DOCK3: variants seen among roughly 807,000 people sequenced by gnomAD.
The protein encoded by DOCK3 is dedicator of cytokinesis protein 3.
DOCK3 carries 60 observed loss-of-function variants against 265.6 expected under a neutral mutation model. The ratio of observed to expected loss-of-function variants is 0.23; its 90% CI spans 0.18 to 0.28. The LOEUF (loss-of-function observed/expected upper bound fraction) is 0.28, where lower values mean the gene tolerates loss of function less well. Ranked by LOEUF, DOCK3 falls within the 10% of genes least tolerant of loss-of-function variation. The pLI is 1.00. For missense variants in DOCK3, 1,981 were observed against 2,594.3 expected, an observed-to-expected ratio of 0.76 and a Z score of 5.14; for synonymous variants, 881 against 938.0, an observed-to-expected ratio of 0.94 and a Z score of 1.11.
intron 12 of DOCK3, among the ~76,000 whole-genome samples, chr3:51,168,343 A>G (rs571012478): frequency 1.3e-5 from 2 of 152,240 alleles, no homozygotes; most frequent in African/African-American, 2.4e-5. Flanking sequence ...TTCAAGCTAT[A>G]CTACAGGACT....
intron 5 of DOCK3, among the ~76,000 whole-genome samples, chr3:51,044,611 T>C (rs1012711389): frequency 3.9e-5 from 6 of 152,070 alleles, no homozygotes; most frequent in Non-Finnish European, 1.5e-5. Context: ...GGCATCTTCT[T>C]ATCTTTTTTT....
chr3:50,870,749 T>A (rs565667652), intron 3 of DOCK3, among the ~76,000 whole-genome samples: 17 of 149,530 alleles, frequency 1.1e-4, no homozygotes, highest in African/African-American at 3.9e-4. Context: ...TATGATTTAA[T>A]TTTTTGCTTT....
At chr3:50,946,777 C>T (rs1032322011) in intron 5 of DOCK3, among the ~76,000 whole-genome samples, 1 of 152,120 alleles carries the variant, frequency 6.6e-6, no homozygotes, top group African/African-American at 2.4e-5. Context: ...GCTCATTAGC[C>T]CATCGTCCTT....
In DOCK3 at chr3:50,686,880, G is replaced by T. The variant is rs2034852965; in HGVS notation, c.37+11580G>T. Among the ~76,000 whole-genome samples the T allele has an allele frequency of 1.5e-5, 2 of 133,182 alleles. 1 individual carries two copies. Among genetic ancestry groups the T allele is most frequent in the South Asian group, 4.8e-4 (2 of 4,158 alleles). The allele number at this position is 133,182 out of a possible 152,430, so 87.4% of individuals were successfully genotyped here. On this transcript the variant is annotated intron_variant, in intron 1 of 52. Coordinates refer to ENST00000266037, the MANE Select transcript of DOCK3 (RefSeq NM_004947.5). ...GCCAAAATCACACCACTACACTCTA[G>T]CCTGGGCAACAGAGCAAGACTCCAT...
intron 5 of DOCK3, among the ~76,000 whole-genome samples, chr3:50,989,592 C>A (rs1256028523): frequency 1.3e-5 from 2 of 152,148 alleles, no homozygotes; most frequent in Non-Finnish European, 2.9e-5. Flanking sequence ...AAGTCAGCTT[C>A]AAATAAAACC....
At chr3:50,907,590 G>C (rs1261116716) in intron 4 of DOCK3, among the ~76,000 whole-genome samples, 1 of 151,496 alleles carries the variant, frequency 6.6e-6, no homozygotes, top group Non-Finnish European at 1.5e-5. Context: ...GCCTTTTTTT[G>C]TTTTCCATTT....
At chr3:50,964,674 CA>C (rs1425466661) in intron 5 of DOCK3, among the ~76,000 whole-genome samples, 1 of 151,758 alleles carries the variant, frequency 6.6e-6, no homozygotes, top group East Asian at 1.9e-4. Context: ...TTTGAGTCTC[CA>C]AAAAGGGACA....
In DOCK3 at chr3:50,729,013, C is replaced by T. The variant is rs9682913; in HGVS notation, c.38-49662C>T. Among the ~76,000 whole-genome samples the T allele has an allele frequency of 6.2e-4, 85 of 137,596 alleles. 1 individual carries two copies. The highest frequency in any genetic ancestry group is 1.3e-3 in the Admixed American group (19 of 14,198). The allele number at this position is 137,596 out of a possible 152,430, so 90.3% of individuals were successfully genotyped here. A position where few individuals can be genotyped will look rare whatever the true frequency, so the allele number is the denominator to read the frequency against. ...TGCTGGGATTACAGGTGTGAGCCAC[C>T]GTGCCTGGCCTGTTTTTCTTTTTTT... On this transcript the variant is annotated intron_variant, in intron 1 of 52. Coordinates refer to ENST00000266037, the MANE Select transcript of DOCK3 (RefSeq NM_004947.5).
chr3:51,123,857 C>G (rs1260607021), intron 9 of DOCK3, among the ~76,000 whole-genome samples: 2 of 152,136 alleles, frequency 1.3e-5, no homozygotes, highest in Admixed American at 6.5e-5. Flanking sequence ...CTCTGAAAAC[C>G]AAATACCAGA....
At chr3:50,895,639 A>T (rs569609038) in intron 4 of DOCK3, among the ~76,000 whole-genome samples, 3 of 152,096 alleles carry the variant, frequency 2.0e-5, no homozygotes, top group Admixed American at 2.0e-4. Flanking sequence ...AACATTAGGT[A>T]TTTCTCCTAA....
intron 5 of DOCK3, among the ~76,000 whole-genome samples, chr3:50,952,420 GA>G (rs1409237872): frequency 1.3e-5 from 2 of 151,310 alleles, no homozygotes; most frequent in African/African-American, 4.8e-5. Flanking sequence ...ACTGTTCACA[GA>G]AAAAAAAGGT....
At chr3:50,761,606 A>G (rs183700304) in intron 1 of DOCK3, among the ~76,000 whole-genome samples, 59 of 152,298 alleles carry the variant, frequency 3.9e-4, no homozygotes, top group African/African-American at 1.3e-3. Context: ...AATTTCCCCA[A>G]GGGAAAAATT....
At chr3:51,314,333 C>T (rs1442214014) in intron 31 of DOCK3, among the ~76,000 whole-genome samples, 1 of 152,074 alleles carries the variant, frequency 6.6e-6, no homozygotes, top group African/African-American at 2.4e-5. Context: ...GTAATGGCAC[C>T]ATCAGAAATG....
intron 3 of DOCK3, among the ~76,000 whole-genome samples, chr3:50,869,342 A>ATTTTT (rs755531254): frequency 0.034 from 2,382 of 70,106 alleles, 1,190 homozygotes; most frequent in Non-Finnish European, 0.043. Context: ...TCTGCTGGGA[A>ATTTTT]TTTTTTTTTT....
rs2083291429 is a variant in DOCK3, at chr3:51,315,046, A to G, written c.3320A>G (p.Gln1107Arg). 10 of 1,613,132 alleles carry G rather than the reference A, an allele frequency of 6.2e-6. No homozygotes were observed. Among genetic ancestry groups the G allele is most frequent in the Non-Finnish European group, 5.9e-6 (7 of 1,179,376 alleles). ...TTTCTGGGTGTGACACTGGTCCCAC[A>G]GCCAGAAGTACGGAATATCATGATT... ...GPFLGVTLVP[Q>R]PEVRNIMIPI... The change falls in exon 32 of 53, where the codon CAG becomes CGG. Residue 1107 changes from glutamine to arginine, a missense_variant. Gln to Arg is a conservative substitution (Grantham distance 43). Transcript: ENST00000266037.
chr3:51,179,784 T>C (rs1257729714), intron 12 of DOCK3, among the ~76,000 whole-genome samples: 1 of 151,876 alleles, frequency 6.6e-6, no homozygotes, highest in Non-Finnish European at 1.5e-5. Context: ...TGGTGGTGCA[T>C]GCCTGTAGTC....
At chr3:50,688,258 G>A (rs1336186276) in intron 1 of DOCK3, among the ~76,000 whole-genome samples, 1 of 152,106 alleles carries the variant, frequency 6.6e-6, no homozygotes, top group African/African-American at 2.4e-5. Context: ...TCTGTTCTTA[G>A]TGTTTCATTT....
At chr3:51,273,923 G>A (rs1305484018) in intron 24 of DOCK3, among the ~76,000 whole-genome samples, 1 of 152,188 alleles carries the variant, frequency 6.6e-6, no homozygotes, top group Non-Finnish European at 1.5e-5. Context: ...TATTTCACAT[G>A]TCTCCTAACC....
At chr3:51,159,793 G>A (rs1011911321) in intron 11 of DOCK3, among the ~76,000 whole-genome samples, 8 of 152,128 alleles carry the variant, frequency 5.3e-5, no homozygotes, top group Non-Finnish European at 1.2e-4. Flanking sequence ...CACCCAAGAT[G>A]AAAAAGTGAT....
Sources: allele counts gnomAD v4.1 joint callset (sites outside exome capture counted in the v4.1 genomes callset), GRCh38; gene constraint gnomAD v4.1.1; transcripts MANE v1.5; gene names NCBI Gene and HGNC (gene_info 2026-07-23, HGNC 2026-07-21).